The following CCDC150 variants were observed in gnomAD, a reference collection of about 807,000 sequenced individuals.
CCDC150 encodes coiled-coil domain containing 150, also known as coiled-coil domain-containing protein 150.
CCDC150 carries 151 observed loss-of-function variants against 156.5 expected under a neutral mutation model. The ratio of observed to expected loss-of-function variants is 0.97; its 90% confidence interval spans 0.85 to 1.10. The LOEUF (loss-of-function observed/expected upper bound fraction) is 1.10, where lower values mean the gene tolerates loss of function less well. Ranked by LOEUF, CCDC150 falls within the 50% of genes least tolerant of loss-of-function variation. The pLI is 0.00. For synonymous variants in CCDC150, 452 were observed against 429.4 expected (o/e 1.05, Z -0.65); for missense variants, 1,312 against 1,268.1 (o/e 1.03, Z -0.53).
intron 1 of CCDC150, among the ~76,000 whole-genome samples, chr2:196,643,848 A>G (rs2125563614): frequency 6.6e-6 from 1 of 152,262 alleles, no homozygotes; most frequent in East Asian, 1.9e-4. Context: ...GCCTGGGCCT[A>G]CTATATGTAG....
rs1471134348 is a variant in CCDC150, at chr2:196,732,093, C to T, written c.3130C>T (p.Leu1044Phe). Residue 1044 changes from leucine to phenylalanine, a missense_variant, in exon 27 of 28, where the codon CTT becomes TTT. Physicochemically the swap from Leu to Phe is conservative, Grantham distance 22 (BLOSUM62 0). Coordinates refer to ENST00000389175, the MANE Select transcript of CCDC150 (RefSeq NM_001080539.2). The stretch of plus-strand genomic sequence containing the variant: ...TAAGCACAGGTTTGATGGTCTACAA[C>T]TTGAGCTGACAAAAAACCGGTTGCA... ...WFKHRFDGLQ[L>F]ELTKNRLQRP... The T allele has an allele frequency of 2.5e-6, 4 of 1,613,828 alleles. No individual in the cohort carries two copies. Among genetic ancestry groups the T allele is most frequent in the African/African-American group, 1.3e-5 (1 of 75,032 alleles).
intron 10 of CCDC150, among the ~76,000 whole-genome samples, chr2:196,675,647 A>G (rs1694452065): frequency 6.6e-6 from 1 of 152,122 alleles, no homozygotes; most frequent in Non-Finnish European, 1.5e-5. Context: ...ACATTATCTG[A>G]GTGCAATTTA....
chr2:196,712,641 T>A (rs1387650914), intron 16 of CCDC150, 36 bp from the exon 17 acceptor site: 6 of 1,548,076 alleles, frequency 3.9e-6, no homozygotes. Context: ...TTTTGGCAGT[T>A]GTGAGGAACA....
chr2:196,698,608 G>T (rs537314705), intron 14 of CCDC150, among the ~76,000 whole-genome samples: 38 of 152,210 alleles, frequency 2.5e-4, no homozygotes, highest in Admixed American at 2.4e-3. Context: ...TCTAGTTCTT[G>T]GTTTTTTATA....
chr2:196,696,204 G>A (rs1030908853), intron 14 of CCDC150, among the ~76,000 whole-genome samples: 1 of 152,062 alleles, frequency 6.6e-6, no homozygotes, highest in East Asian at 1.9e-4. Context: ...CTATAACTGT[G>A]GATGTTTGAG....
chr2:196,695,825 A>T (rs1024007073), intron 14 of CCDC150, among the ~76,000 whole-genome samples: 15 of 152,138 alleles, frequency 9.9e-5, no homozygotes, highest in Admixed American at 9.8e-4. Context: ...AAAAAAAAAA[A>T]AATCTTCTCC....
intron 13 of CCDC150, among the ~76,000 whole-genome samples, chr2:196,681,974 T>C (rs114324997): frequency 1.4e-3 from 210 of 152,274 alleles, no homozygotes; most frequent in African/African-American, 4.7e-3. Context: ...GTTTGGTTTA[T>C]CTGTGTTTCC....
intron 23 of CCDC150, 162 bp downstream of exon 23, chr2:196,729,549 T>C: frequency 1.4e-6 from 1 of 702,504 alleles, no homozygotes; most frequent in Non-Finnish European, 2.4e-6. Context: ...GAGTCACTGC[T>C]GTGTAAATGT....
At chr2:196,663,160 G>C (rs1289648007) in intron 5 of CCDC150, among the ~76,000 whole-genome samples, 1 of 152,136 alleles carries the variant, frequency 6.6e-6, no homozygotes, top group Non-Finnish European at 1.5e-5. Context: ...GATCACTTGA[G>C]TTGGGGGAGG....
Position 196,676,639 on chromosome 2 carries a change from G to C in CCDC150, c.1348G>C (p.Glu450Gln). Reference sequence around the variant, plus strand: ...AACAGCTGTGCAAAAAGAGCTGCTAGAATCAACTATTGCAAGATTGCGAGG... The same window carrying C: ...AACAGCTGTGCAAAAAGAGCTGCTACAATCAACTATTGCAAGATTGCGAGG... ...KRTAVQKELL[E>Q]STIARLRGEL... Residue 450 changes from glutamate to glutamine, a missense_variant, in exon 12 of 28, where the codon GAA (glutamate) becomes CAA (glutamine). Glu to Gln is a conservative substitution (Grantham distance 29, BLOSUM62 2). Coordinates refer to ENST00000389175, the MANE Select transcript of CCDC150 (RefSeq NM_001080539.2). 6.2e-7 allele frequency: 1 copy of C among 1,613,742 alleles called. No individual in the cohort carries two copies. Among genetic ancestry groups the C allele is most frequent in the Non-Finnish European group, 8.5e-7 (1 of 1,179,734 alleles).
chr2:196,645,287 T>C (rs540495964), intron 1 of CCDC150, among the ~76,000 whole-genome samples: 202 of 152,304 alleles, frequency 1.3e-3, no homozygotes, highest in Non-Finnish European at 2.7e-3. Flanking sequence ...TCCCACTTCA[T>C]GAATTCTTGC....
intron 11 of CCDC150, 30 bp from the exon 12 acceptor site, chr2:196,676,524 C>G: frequency 9.6e-6 from 15 of 1,556,704 alleles, no homozygotes; most frequent in Non-Finnish European, 1.3e-5. Context: ...TCTAATTTAG[C>G]TTTCATATGT....
At chr2:196,709,844 G>C (rs1696967525) in intron 15 of CCDC150, among the ~76,000 whole-genome samples, 1 of 152,202 alleles carries the variant, frequency 6.6e-6, no homozygotes, top group South Asian at 2.1e-4. Flanking sequence ...GGAGGCTGCA[G>C]AACAGCAAAT....
intron 13 of CCDC150, among the ~76,000 whole-genome samples, chr2:196,692,328 G>C (rs1397306687): frequency 6.6e-6 from 1 of 150,540 alleles, no homozygotes; most frequent in Non-Finnish European, 1.5e-5. Flanking sequence ...TAGAGACGGG[G>C]TTTCACCTTG....
At chr2:196,640,491 C>T (rs1006946752) in intron 1 of CCDC150, among the ~76,000 whole-genome samples, 16 of 152,146 alleles carry the variant, frequency 1.1e-4, no homozygotes, top group African/African-American at 3.4e-4. Flanking sequence ...GTCTCCAGTC[C>T]ACACCTCACC....
chr2:196,691,332 G>A lies in CCDC150; in HGVS notation c.1510-3714G>A, dbSNP rs566484097. Among the ~76,000 whole-genome samples, 37 of 152,248 alleles carry A rather than the reference G, an allele frequency of 2.4e-4. No homozygotes were observed. The South Asian group carries it at 5.0e-3, about 21-fold the overall frequency. ...ATAGAATTCAGCTGTGAATCTGTCT[G>A]ATGCTGGCTTTTTCTGGTTGCTAGG... On this transcript the variant is annotated intron_variant, in intron 13 of 27. Transcript: ENST00000389175.
chr2:196,686,936 A>T (rs1464859680), intron 13 of CCDC150, among the ~76,000 whole-genome samples: 2 of 152,156 alleles, frequency 1.3e-5, no homozygotes, highest in Non-Finnish European at 2.9e-5. Context: ...CGAGGACGTG[A>T]TCTCATTCTT....
chr2:196,674,424 G>T, intron 10 of CCDC150, 76 bp downstream of exon 10: 1 of 765,764 alleles, frequency 1.3e-6, no homozygotes, highest in Non-Finnish European at 2.1e-6. Context: ...GCCAACTGGA[G>T]AAATAAAATA....
intron 14 of CCDC150, among the ~76,000 whole-genome samples, chr2:196,696,815 A>G (rs1695858625): frequency 6.6e-6 from 1 of 152,216 alleles, no homozygotes; most frequent in African/African-American, 2.4e-5. Context: ...TAAAAACTTG[A>G]AATTCTTTAT....
Sources: allele counts gnomAD v4.1 joint callset (sites outside exome capture counted in the v4.1 genomes callset), GRCh38; gene constraint gnomAD v4.1.1; transcripts MANE v1.5; gene names NCBI Gene and HGNC (gene_info 2026-07-23, HGNC 2026-07-21).